GALNTL6: variants seen among roughly 807,000 people sequenced by gnomAD.
The protein encoded by GALNTL6 is polypeptide N-acetylgalactosaminyltransferase-like 6.
GALNTL6 carries 46 observed loss-of-function variants against 73.7 expected under a neutral mutation model. The ratio of observed to expected loss-of-function variants is 0.62; its 90% CI spans 0.49 to 0.80. The LOEUF (loss-of-function observed/expected upper bound fraction) is 0.80. Among genes scored for constraint, GALNTL6 ranks in the 30% least tolerant of loss-of-function variants. The pLI, the probability that GALNTL6 is intolerant of heterozygous loss-of-function variation, is 0.00. For missense variants in GALNTL6, 604 were observed against 755.0 expected (o/e 0.80, Z 2.34); for synonymous variants, 259 against 263.7 (o/e 0.98, Z 0.17).
chr4:172,511,109 A>G lies in GALNTL6; in HGVS notation c.553+162420A>G, dbSNP rs1292297209. Among the ~76,000 whole-genome samples the G allele has an allele frequency of 3.6e-5, 2 of 54,848 alleles. 1 individual carries two copies. The highest frequency in any genetic ancestry group is 8.5e-5 in the Non-Finnish European group (2 of 23,646). 36.0% of individuals were successfully genotyped at this position (54,848 alleles called of 152,430 possible). A position where few individuals can be genotyped will look rare whatever the true frequency, so the allele number is the denominator to read the frequency against. ...TTTGTTGATAACTTTTTTAATTGCC[A>G]TTTCAATCTCACTGCATTATTGGTC... On this transcript the variant is annotated intron_variant, in intron 5 of 12. Transcript: ENST00000506823.
intron 2 of GALNTL6, among the ~76,000 whole-genome samples, chr4:172,134,587 ATAAAT>A (rs1359500837): frequency 1.3e-5 from 2 of 152,228 alleles, no homozygotes; most frequent in East Asian, 1.9e-4. Flanking sequence ...GGAGACAATG[ATAAAT>A]TAAATTTTGG....
Position 171,926,622 on chromosome 4 carries a change from TA to T in GALNTL6, c.138+111910del, listed in dbSNP as rs1737992300. On this transcript the variant is annotated intron_variant, in intron 2 of 12. Transcript: ENST00000506823. ...TGTCTCTTCACTAGCATTTGTTATT[TA>T]AAAAACTTACAATAAAAGCATTACT... 2.0e-5 allele frequency among the ~76,000 whole-genome samples: 3 copies of T among 152,244 alleles called. No homozygotes were observed. In the South Asian group the frequency reaches 6.2e-4, roughly 32 times the overall value.
chr4:172,969,375 C>T (rs114611684), intron 10 of GALNTL6, among the ~76,000 whole-genome samples: 87 of 152,070 alleles, frequency 5.7e-4, no homozygotes, highest in African/African-American at 2.0e-3. Flanking sequence ...ACATAAAATT[C>T]CCAAAAGAAG....
At position 172,110,464 on chromosome 4, in the gene GALNTL6, T is replaced by C. The variant is rs187371467; in HGVS notation, c.139-119192T>C. 1.3e-4 allele frequency among the ~76,000 whole-genome samples: 20 copies of C among 152,328 alleles called. No individual in the cohort carries two copies. In the East Asian group the frequency reaches 2.3e-3, roughly 18 times the overall value. On this transcript the variant is annotated intron_variant, in intron 2 of 12. Transcript: ENST00000506823. ...TAATAGTACTTTCACAATATTTAGT[T>C]AGTCAGTAGCATATTTTAAAAATTA... is the stretch of plus-strand genomic sequence containing the variant.
At chr4:172,105,531 C>G (rs910567737) in intron 2 of GALNTL6, among the ~76,000 whole-genome samples, 11 of 151,246 alleles carry the variant, frequency 7.3e-5, no homozygotes, top group Non-Finnish European at 1.3e-4. Context: ...CAAGCAAAGC[C>G]ACGTGTTGGC....
chr4:172,543,240 A>G (rs6816514), intron 5 of GALNTL6, among the ~76,000 whole-genome samples: 6,835 of 152,328 alleles, frequency 0.045, 487 homozygotes, highest in African/African-American at 0.15. Flanking sequence ...TTACGTGCAC[A>G]TGCTCAGGAT....
chr4:172,695,714 G>A (rs1265322915), intron 5 of GALNTL6, among the ~76,000 whole-genome samples: 3 of 152,128 alleles, frequency 2.0e-5, no homozygotes, highest in Non-Finnish European at 2.9e-5. Context: ...TTGGGAGGCC[G>A]AGGCGGGCGG....
intron 5 of GALNTL6, among the ~76,000 whole-genome samples, chr4:172,399,120 C>T (rs1743949771): frequency 6.6e-6 from 1 of 152,072 alleles, no homozygotes; most frequent in South Asian, 2.1e-4. Context: ...GATAATAGAA[C>T]ATGTGAAGCA....
chr4:171,997,506 T>C (rs1331074353), intron 2 of GALNTL6, among the ~76,000 whole-genome samples: 1 of 152,090 alleles, frequency 6.6e-6, no homozygotes, highest in Non-Finnish European at 1.5e-5. Context: ...CATATTAGCC[T>C]ACTGTTGGGC....
chr4:172,143,245 A>C (rs1320883198), intron 2 of GALNTL6, among the ~76,000 whole-genome samples: 1 of 151,868 alleles, frequency 6.6e-6, no homozygotes, highest in Non-Finnish European at 1.5e-5. Flanking sequence ...ATTTCAACTT[A>C]AGTTTATCTC....
intron 4 of GALNTL6, among the ~76,000 whole-genome samples, chr4:172,315,896 C>T (rs779946140): frequency 5.9e-5 from 9 of 151,626 alleles, no homozygotes; most frequent in Non-Finnish European, 1.2e-4. Flanking sequence ...TATGGAACAC[C>T]TTATTTAACT....
At chr4:172,230,148 T>A (rs1223953779) in intron 3 of GALNTL6, among the ~76,000 whole-genome samples, 1 of 152,048 alleles carries the variant, frequency 6.6e-6, no homozygotes, top group East Asian at 1.9e-4. Flanking sequence ...AGTATTTAAT[T>A]TGTACCAATG....
intron 2 of GALNTL6, among the ~76,000 whole-genome samples, chr4:172,104,426 A>C (rs1560924680): frequency 2.0e-5 from 3 of 152,188 alleles, no homozygotes; most frequent in Non-Finnish European, 4.4e-5. Flanking sequence ...AGATGAGATA[A>C]ATCAGCGTCT....
At chr4:172,107,173 G>A (rs1296355667) in intron 2 of GALNTL6, among the ~76,000 whole-genome samples, 4 of 152,018 alleles carry the variant, frequency 2.6e-5, no homozygotes, top group African/African-American at 4.8e-5. Flanking sequence ...GTGGCCAGCC[G>A]ATATCACTAG....
At chr4:172,142,456 T>C (rs1405260314) in intron 2 of GALNTL6, among the ~76,000 whole-genome samples, 5 of 152,088 alleles carry the variant, frequency 3.3e-5, no homozygotes, top group Admixed American at 6.5e-5. Context: ...TTATAAAACG[T>C]CAAATGTTTC....
At chr4:172,377,504 G>T (rs538954131) in intron 5 of GALNTL6, among the ~76,000 whole-genome samples, 59 of 152,298 alleles carry the variant, frequency 3.9e-4, no homozygotes, top group African/African-American at 1.4e-3. Flanking sequence ...GGCCATGGGC[G>T]GAGCTGCCCA....
chr4:171,940,286 A>G (rs530463442), intron 2 of GALNTL6, among the ~76,000 whole-genome samples: 17 of 152,150 alleles, frequency 1.1e-4, no homozygotes, highest in Admixed American at 1.1e-3. Context: ...TGATAATCAA[A>G]GAGTGGGTGG....
At chr4:172,310,428 G>T (rs1356133007) in intron 3 of GALNTL6, among the ~76,000 whole-genome samples, 1 of 151,844 alleles carries the variant, frequency 6.6e-6, no homozygotes, top group Non-Finnish European at 1.5e-5. Flanking sequence ...GTGCCACCAC[G>T]CCTGCCTAAT....
intron 2 of GALNTL6, among the ~76,000 whole-genome samples, chr4:172,050,672 T>C (rs1377578072): frequency 2.0e-5 from 3 of 152,196 alleles, no homozygotes. Context: ...ATCTTTAGTT[T>C]CTAACTTCCT....
Sources: allele counts gnomAD v4.1 joint callset (sites outside exome capture counted in the v4.1 genomes callset), GRCh38; gene constraint gnomAD v4.1.1; transcripts MANE v1.5; gene names NCBI Gene and HGNC (gene_info 2026-07-23, HGNC 2026-07-21).